FAM120B: variants seen among roughly 807,000 people sequenced by gnomAD.
The protein encoded by FAM120B is family with sequence similarity 120 member B.
Under a neutral mutation model 96.3 loss-of-function variants are expected in FAM120B, and 83 were observed. That is an observed-to-expected ratio of 0.86 (90% CI 0.72 to 1.03). The LOEUF (loss-of-function observed/expected upper bound fraction) is 1.03. FAM120B is among the 50% of genes least tolerant of loss of function. The probability of loss-of-function intolerance (pLI) is 0.00; values close to 1 mark genes in which losing one functional copy is unlikely to be tolerated. For missense variants in FAM120B, 1,027 were observed against 1,121.2 expected (o/e 0.92, Z 1.20); for synonymous variants, 407 against 402.7 (o/e 1.01, Z -0.13).
At chr6:170,390,908 G>A in intron 7 of FAM120B, 105 bp from the exon 8 acceptor site, 1 of 872,048 alleles carries the variant, frequency 1.1e-6, no homozygotes, top group Non-Finnish European at 1.9e-6. Flanking sequence ...CCTCGCCTTG[G>A]GAACAGTGTG....
At chr6:170,401,467 C>G (rs1295866296) in intron 9 of FAM120B, among the ~76,000 whole-genome samples, 2 of 152,120 alleles carry the variant, frequency 1.3e-5, no homozygotes, top group Non-Finnish European at 2.9e-5. Context: ...CGTCCAGAAG[C>G]TGGCAGAGAA....
intron 7 of FAM120B, among the ~76,000 whole-genome samples, chr6:170,389,299 CAG>C (rs113434743): frequency 1.8e-4 from 27 of 152,272 alleles, no homozygotes; most frequent in African/African-American, 6.3e-4. Context: ...GTGCATGGAA[CAG>C]TGTTTTCACT....
chr6:170,353,160 T>C lies in FAM120B; in HGVS notation c.2190+4837T>C, dbSNP rs79225676. Among the ~76,000 whole-genome samples, 1,567 of 152,204 alleles carry C rather than the reference T, an allele frequency of 0.01. 68 individuals carry two copies. In the East Asian group the frequency reaches 0.1, roughly 10 times the overall value. Reference sequence around the variant, plus strand: ...AAATTCCTGCACACATATGCCTTCTTGAGACTGAACCAGGAAGAAATTGAA... The same window carrying C: ...AAATTCCTGCACACATATGCCTTCTCGAGACTGAACCAGGAAGAAATTGAA... On this transcript the variant is annotated intron_variant, in intron 5 of 10. Transcript: ENST00000476287.
chr6:170,327,329 A>G (rs1337879110), intron 3 of FAM120B, among the ~76,000 whole-genome samples: 1 of 152,212 alleles, frequency 6.6e-6, no homozygotes. Context: ...TACAGGCGTG[A>G]GCCACCGCGC....
At chr6:170,362,650 CAAT>C (rs1200484182) in intron 6 of FAM120B, among the ~76,000 whole-genome samples, 2 of 151,014 alleles carry the variant, frequency 1.3e-5, no homozygotes, top group African/African-American at 2.4e-5. Flanking sequence ...TCCCAGGGTG[CAAT>C]AATAATAATA....
chr6:170,370,963 C>T lies in FAM120B; in HGVS notation c.2283+12645C>T, dbSNP rs775033931. On this transcript the variant is annotated intron_variant, in intron 6 of 10. Coordinates refer to ENST00000476287, the MANE Select transcript of FAM120B (RefSeq NM_032448.3). This position sits in a 1 kb window ranked among gnomAD's most constrained non-coding sequence, Gnocchi z 4.3. ...GAAATGGTGTATATATATCTCAATA[C>T]GGATGGATGGATAGACAGACATTAT... Among the ~76,000 whole-genome samples the T allele has an allele frequency of 1.5e-4, 23 of 152,044 alleles. No individual in the cohort carries two copies. Among genetic ancestry groups the T allele is most frequent in the Non-Finnish European group, 2.4e-4 (16 of 68,022 alleles).
At chr6:170,400,881 C>T (rs1778540864) in intron 9 of FAM120B, among the ~76,000 whole-genome samples, 1 of 152,190 alleles carries the variant, frequency 6.6e-6, no homozygotes, top group Non-Finnish European at 1.5e-5. Flanking sequence ...TCCCCCAGAG[C>T]ATGGCCCCCA....
intron 8 of FAM120B, among the ~76,000 whole-genome samples, chr6:170,393,615 C>T (rs1790581863): frequency 6.6e-6 from 1 of 152,158 alleles, no homozygotes; most frequent in Admixed American, 6.5e-5. Context: ...GAAACTGTTC[C>T]CTTTTTTGTT....
intron 4 of FAM120B, among the ~76,000 whole-genome samples, chr6:170,337,901 CTGTT>C (rs1786546729): frequency 6.6e-6 from 1 of 151,786 alleles, no homozygotes; most frequent in African/African-American, 2.4e-5. Context: ...TTTATTGTGT[CTGTT>C]TGATTATTCT....
chr6:170,320,296 C>T (rs2115031466), intron 2 of FAM120B, among the ~76,000 whole-genome samples: 1 of 152,176 alleles, frequency 6.6e-6, no homozygotes, highest in East Asian at 1.9e-4. Flanking sequence ...ACCTGGAGGG[C>T]AGCCATGTGA....
upstream of FAM120B, among the ~76,000 whole-genome samples, chr6:170,292,067 C>T (rs1783891178): frequency 6.6e-6 from 1 of 152,154 alleles, no homozygotes; most frequent in Admixed American, 6.5e-5. This position sits in a 1 kb window ranked among gnomAD's most constrained non-coding sequence, Gnocchi z 6.6. Context: ...AGCACCTGCT[C>T]CCCGCACAAT....
chr6:170,294,091 T>C (rs946813449), upstream of FAM120B, among the ~76,000 whole-genome samples: 1 of 152,154 alleles, frequency 6.6e-6, no homozygotes, highest in African/African-American at 2.4e-5. The surrounding 1 kb of genome is among the most constrained non-coding windows in gnomAD (Gnocchi z 7.9). Context: ...TGCATGTCTC[T>C]ATACTCCCAC....
Position 170,402,284 on chromosome 6 carries a change from G to A in FAM120B, c.2693-2266G>A, listed in dbSNP as rs538016948. Among the ~76,000 whole-genome samples, 37 of 152,336 alleles carry A rather than the reference G, an allele frequency of 2.4e-4. No homozygotes were observed. In the South Asian group the frequency reaches 7.2e-3, roughly 30 times the overall value. On this transcript the variant is annotated intron_variant, in intron 9 of 10. Transcript: ENST00000476287. ...GTGGCAGAGGTCCTCCCTAGACTCTGCATTTTGCCAAGCTTTCCATAGCAT... is the reference window on the plus strand; with the variant it reads ...GTGGCAGAGGTCCTCCCTAGACTCTACATTTTGCCAAGCTTTCCATAGCAT...
chr6:170,376,779 G>A (rs1444587250), intron 6 of FAM120B, among the ~76,000 whole-genome samples: 1 of 152,244 alleles, frequency 6.6e-6, no homozygotes, highest in African/African-American at 2.4e-5. Context: ...GGAACATGGA[G>A]AGGAAGGAGG....
At chr6:170,386,868 A>G (rs956971621) in intron 6 of FAM120B, among the ~76,000 whole-genome samples, 2 of 152,264 alleles carry the variant, frequency 1.3e-5, no homozygotes, top group African/African-American at 2.4e-5. Flanking sequence ...AATCAAATCC[A>G]GCAATATGTA....
In FAM120B at chr6:170,317,571, G is replaced by A. The variant is rs781343182; in HGVS notation, c.181G>A (p.Gly61Ser). ...GTATACTCCAGAATCTTGGATCTGC[G>A]GTGGCCAGTGGCGAGAATACTTTTC... ...YWYTPESWIC[G>S]GQWREYFSAL... is the part of the protein sequence containing the mutation. Residue 61 changes from glycine to serine, a missense_variant, in exon 2 of 11, where the codon GGT becomes AGT. Coordinates refer to ENST00000476287, the MANE Select transcript of FAM120B (RefSeq NM_032448.3). 9.3e-6 allele frequency: 15 copies of A among 1,614,040 alleles called. No homozygotes were observed. Among genetic ancestry groups the A allele is most frequent in the Middle Eastern group, 1.6e-4 (1 of 6,084 alleles).
At chr6:170,339,800 A>G (rs888182195) in intron 4 of FAM120B, among the ~76,000 whole-genome samples, 5 of 150,370 alleles carry the variant, frequency 3.3e-5, no homozygotes, top group Admixed American at 3.3e-4. Context: ...AAAAAAAAGA[A>G]TGTTGGACAT....
chr6:170,307,133 C>T lies in FAM120B; in HGVS notation c.-22+291C>T, dbSNP rs114420611. Among the ~76,000 whole-genome samples the T allele has an allele frequency of 4.3e-3, 658 of 152,348 alleles. 3 individuals carry two copies. The highest frequency in any genetic ancestry group is 0.015 in the African/African-American group (629 of 41,576). On this transcript the variant is annotated intron_variant, in intron 1 of 10. Transcript: ENST00000476287. ...ACCTCGCGACCGTCGCCTTGCCTGC[C>T]CCATCTTGAGGTCACCTCTGACCCC...
chr6:170,356,345 C>T (rs9348316), intron 5 of FAM120B, among the ~76,000 whole-genome samples: 15,701 of 152,150 alleles, frequency 0.1, 1,033 homozygotes, highest in East Asian at 0.2. Context: ...ATTTTGTATT[C>T]GCTAGATGAA....
Sources: allele counts gnomAD v4.1 joint callset (sites outside exome capture counted in the v4.1 genomes callset), GRCh38; gene constraint gnomAD v4.1.1; non-coding constraint Gnocchi (gnomAD v3.1); transcripts MANE v1.5; gene names NCBI Gene and HGNC (gene_info 2026-07-23, HGNC 2026-07-21).